The following RSPH9 variants were observed in gnomAD, a reference collection of about 807,000 sequenced individuals.
RSPH9 encodes the protein radial spoke head protein 9 homolog.
A neutral mutation model predicts 27.0 loss-of-function variants in RSPH9; 27 were observed. The observed-to-expected ratio is 1.00, with a 90% CI of 0.74 to 1.38. The LOEUF (loss-of-function observed/expected upper bound fraction) is 1.38. Among genes scored for constraint, RSPH9 ranks in the 40% most tolerant of loss-of-function variants. The pLI is 0.00. For synonymous variants in RSPH9, 145 were observed against 147.7 expected (o/e 0.98, Z 0.13); for missense variants, 347 against 357.4 (o/e 0.97, Z 0.24).
intron 4 of RSPH9, among the ~76,000 whole-genome samples, chr6:43,670,290 G>A (rs1338520271): frequency 1.3e-5 from 2 of 152,198 alleles, no homozygotes; most frequent in Non-Finnish European, 2.9e-5. Flanking sequence ...CTCTGAAAGT[G>A]GTTTTAATGA....
chr6:43,658,311 G>GAAAAA (rs1272673497), intron 4 of RSPH9, among the ~76,000 whole-genome samples: 1 of 101,104 alleles, frequency 9.9e-6, no homozygotes, highest in Non-Finnish European at 2.1e-5. Context: ...AAAAAAAAAA[G>GAAAAA]AAAAAAAAAA....
At chr6:43,646,989 G>T (rs1285365009) in intron 1 of RSPH9, among the ~76,000 whole-genome samples, 2 of 150,590 alleles carry the variant, frequency 1.3e-5, no homozygotes, top group Non-Finnish European at 3.0e-5. Flanking sequence ...AGGAAAATTT[G>T]CAGGGCATGG....
rs527744486 is a variant in RSPH9 at position 43,645,928 on chromosome 6, T to C, written c.227+603T>C. On this transcript the variant is annotated intron_variant, in intron 1 of 4. Transcript: ENST00000372163. ...GAGCTGGGGAAAATTCCCTGGTCAC[T>C]ACCATACAGGACCATCCAGCTATTT... Among the ~76,000 whole-genome samples, 5 of 152,286 alleles carry C rather than the reference T, an allele frequency of 3.3e-5. No individual in the cohort carries two copies. In the East Asian group the frequency reaches 7.7e-4, roughly 24 times the overall value.
At chr6:43,665,154 G>GGGGGTGAAC (rs1773020305) in intron 4 of RSPH9, among the ~76,000 whole-genome samples, 2 of 152,248 alleles carry the variant, frequency 1.3e-5, no homozygotes, top group African/African-American at 4.8e-5. Flanking sequence ...GAGGGGTGAA[G>GGGGGTGAAC]AGGGTGATAG....
chr6:43,660,103 G>A (rs1272631122), intron 4 of RSPH9, among the ~76,000 whole-genome samples: 3 of 147,768 alleles, frequency 2.0e-5, no homozygotes, highest in African/African-American at 5.0e-5. Flanking sequence ...GAGTGCAGTG[G>A]TGTGATCTCA....
intron 2 of RSPH9, among the ~76,000 whole-genome samples, chr6:43,653,383 G>A (rs1356015734): frequency 6.8e-6 from 1 of 147,484 alleles, no homozygotes; most frequent in Non-Finnish European, 1.5e-5. Context: ...GGAGGCGGAG[G>A]TTGCAGTGAG....
At chr6:43,652,230 C>T (rs1249614969) in intron 2 of RSPH9, among the ~76,000 whole-genome samples, 3 of 149,528 alleles carry the variant, frequency 2.0e-5, no homozygotes, top group South Asian at 2.1e-4. Flanking sequence ...GGCATGAACC[C>T]GGGAGGCAGA....
intron 2 of RSPH9, among the ~76,000 whole-genome samples, chr6:43,654,558 C>G (rs1470342335): frequency 6.6e-6 from 1 of 152,182 alleles, no homozygotes; most frequent in African/African-American, 2.4e-5. Flanking sequence ...CGCAGTGGCT[C>G]ACGCCTATAA....
Position 43,671,828 on chromosome 6 carries a change from G to C in RSPH9, c.*879G>C. 1 of 1,614,184 alleles carries C rather than the reference G, an allele frequency of 6.2e-7. No individual in the cohort carries two copies. Among genetic ancestry groups the C allele is most frequent in the Non-Finnish European group, 8.5e-7 (1 of 1,180,028 alleles). On this transcript the variant is annotated 3_prime_UTR_variant, in exon 5 of 5. Coordinates refer to ENST00000372163, the MANE Select transcript of RSPH9 (RefSeq NM_152732.5). ...TGTCCCTCAGAAGGGGTGACCCCAC[G>C]GGCATGCGCACCCTGTTCCAGCGGG...
At position 43,655,544 on chromosome 6, in the gene RSPH9, C is replaced by T. The variant is rs1178791537; in HGVS notation, c.394-18C>T. Reference sequence around the variant, plus strand: ...GGCACAGTGCCCTGGCAGGGGGGCTCCTCTCCTGTCTCCTCAGGTCCAGAT... The same window carrying T: ...GGCACAGTGCCCTGGCAGGGGGGCTTCTCTCCTGTCTCCTCAGGTCCAGAT... On this transcript the variant is annotated intron_variant, in intron 2 of 4. Coordinates refer to ENST00000372163, the MANE Select transcript of RSPH9 (RefSeq NM_152732.5). The T allele has an allele frequency of 1.2e-6, 2 of 1,613,912 alleles. No homozygotes were observed. The highest frequency in any genetic ancestry group is 1.7e-4 in the Middle Eastern group (1 of 6,026).
Position 43,650,432 on chromosome 6 carries a change from G to C in RSPH9, c.285G>C (p.Gln95His). 6.2e-7 allele frequency: 1 copy of C among 1,614,138 alleles called. No individual in the cohort carries two copies. The highest frequency in any genetic ancestry group is 8.5e-7 in the Non-Finnish European group (1 of 1,180,052). The part of the protein sequence containing the change: ...LPPATEEMVA[Q>H]SSVVKGRFMG... ...CTGCCACAGAGGAGATGGTGGCGCA[G>C]TCGTCTGTGGTGAAGGGCCGCTTCA... Residue 95 changes from glutamine to histidine, a missense_variant, in exon 2 of 5, where the codon CAG becomes CAC. Transcript: ENST00000372163.
At chr6:43,656,028 CCTTCCTTCCCCTTCTTT>C (rs773297223) in intron 3 of RSPH9, among the ~76,000 whole-genome samples, 7,575 of 131,348 alleles carry the variant, frequency 0.058, 352 homozygotes, top group African/African-American at 0.16. Flanking sequence ...TTCCTTCCTT[CCTTCCTTCCCCTTCTTT>C]CCCTTCTTTC....
At chr6:43,656,465 A>G in intron 3 of RSPH9, 112 bp from the exon 4 acceptor site, 1 of 1,197,906 alleles carries the variant, frequency 8.3e-7, no homozygotes, top group African/African-American at 1.5e-5. Flanking sequence ...GCTCTCTGAC[A>G]GTGGTTGACA....
At chr6:43,657,013 T>A (rs112399480) in intron 4 of RSPH9, among the ~76,000 whole-genome samples, 2 of 152,370 alleles carry the variant, frequency 1.3e-5, no homozygotes, top group African/African-American at 4.8e-5. Context: ...GTTGGGAATC[T>A]TCTCCCAAAT....
At chr6:43,670,705 C>A in intron 4 of RSPH9, 84 bp from the exon 5 acceptor site, 2 of 1,299,866 alleles carry the variant, frequency 1.5e-6, no homozygotes, top group South Asian at 2.4e-5. Context: ...GCCTGGCTGC[C>A]CAAGGAGCCA....
chr6:43,662,495 T>C (rs1403280182), intron 4 of RSPH9, among the ~76,000 whole-genome samples: 2 of 151,930 alleles, frequency 1.3e-5, no homozygotes, highest in Non-Finnish European at 1.5e-5. Flanking sequence ...GTCTCCTGAG[T>C]AGCTGGGACT....
chr6:43,650,707 C>A (rs1030704977), intron 2 of RSPH9, among the ~76,000 whole-genome samples, 167 bp downstream of exon 2: 1 of 151,850 alleles, frequency 6.6e-6, no homozygotes, highest in African/African-American at 2.4e-5. Context: ...GAGATTGAGA[C>A]CATCCTGGCT....
chr6:43,663,903 C>T (rs1271368530), intron 4 of RSPH9, among the ~76,000 whole-genome samples: 1 of 151,660 alleles, frequency 6.6e-6, no homozygotes, highest in Non-Finnish European at 1.5e-5. Context: ...AGTGTGCACA[C>T]CTGTAGTCCC....
Position 43,672,141 on chromosome 6 carries a change from G to T in RSPH9, c.*1192G>T, listed in dbSNP as rs73733601. On this transcript the variant is annotated 3_prime_UTR_variant, in exon 5 of 5. Transcript: ENST00000372163. ...TGTGGCCAGGTTCAGGCAGCCCAGG[G>T]CCACAAGCTCCCTTGATCTTTGTAA... 8.1e-3 allele frequency: 4,765 copies of T among 590,260 alleles called. 183 individuals are homozygous for T. The highest frequency in any genetic ancestry group is 0.079 in the African/African-American group (4,238 of 53,566). The allele number at this position is 590,260 out of a possible 1,614,324, so 36.6% of individuals were successfully genotyped here. A position where few individuals can be genotyped will look rare whatever the true frequency, so the allele number is the denominator to read the frequency against.
Sources: allele counts gnomAD v4.1 joint callset (sites outside exome capture counted in the v4.1 genomes callset), GRCh38; gene constraint gnomAD v4.1.1; transcripts MANE v1.5; gene names NCBI Gene and HGNC (gene_info 2026-07-23, HGNC 2026-07-21).